Variants in PTH1R observed in about 807,000 individuals in gnomAD.
PTH1R encodes parathyroid hormone 1 receptor.
PTH1R carries 32 observed loss-of-function variants against 70.7 expected under a neutral mutation model. That is an observed-to-expected ratio of 0.45 (90% CI 0.34 to 0.61). PTH1R has a LOEUF of 0.61. PTH1R is among the 20% of genes least tolerant of loss of function. PTH1R has a pLI of 0.01. For missense variants in PTH1R, 626 were observed against 792.5 expected (o/e 0.79, Z 2.52); for synonymous variants, 329 against 324.8 (o/e 1.01, Z -0.14).
intron 3 of PTH1R, among the ~76,000 whole-genome samples, chr3:46,890,189 G>A (rs2106989456): frequency 6.6e-6 from 1 of 152,198 alleles, no homozygotes; most frequent in South Asian, 2.1e-4. Flanking sequence ...AGCTTGCCAG[G>A]AACACCTTAT....
Position 46,889,639 on chromosome 3 carries a change from AG to A in PTH1R, c.76-4265del, listed in dbSNP as rs371421811. 3.1e-4 allele frequency among the ~76,000 whole-genome samples: 47 copies of A among 152,226 alleles called. No homozygotes were observed. In the East Asian group the frequency reaches 7.1e-3, roughly 23 times the overall value. On this transcript the variant is annotated intron_variant, in intron 3 of 15. Coordinates refer to ENST00000449590, the MANE Select transcript of PTH1R (RefSeq NM_000316.3). ...CCATGGGGAGGATGTGCTACAGTGG[AG>A]GGTATTGAAGCCAAGCACCATGATG...
In PTH1R at chr3:46,883,391, A is replaced by G. The variant is rs1423786602; in HGVS notation, c.-48-121A>G. ...CTCGCTCGCTCGCTCGCTCGCCCTC[A>G]GCGCATGGGCCCCGCGCCGGGCCCC... On this transcript the variant is annotated intron_variant, in intron 2 of 15. Transcript: ENST00000449590. This position sits in a 1 kb window ranked among gnomAD's most constrained non-coding sequence, Gnocchi z 6.4. 1 of 161,712 alleles carries G rather than the reference A, an allele frequency of 6.2e-6. No individual in the cohort carries two copies. The highest frequency in any genetic ancestry group is 2.8e-3 in the Middle Eastern group (1 of 356). The allele number at this position is 161,712 out of a possible 1,614,324, so 10.0% of individuals were successfully genotyped here.
Position 46,892,522 on chromosome 3 carries a change from CA to C in PTH1R, c.76-1384del, listed in dbSNP as rs2031483677. Among the ~76,000 whole-genome samples, 1 of 152,230 alleles carries C rather than the reference CA, an allele frequency of 6.6e-6. No individual in the cohort carries two copies. Among genetic ancestry groups the C allele is most frequent in the Admixed American group, 6.5e-5 (1 of 15,288 alleles). On this transcript the variant is annotated intron_variant, in intron 3 of 15. Coordinates refer to ENST00000449590, the MANE Select transcript of PTH1R (RefSeq NM_000316.3). This position sits in a 1 kb window ranked among gnomAD's most constrained non-coding sequence, Gnocchi z 5.2. ...ACGCGGCTCCGCTAAGTGGAACCAG[CA>C]GAACCCAAGGCCGGCCGAGCCAATT... is the stretch of plus-strand genomic sequence containing the variant.
chr3:46,883,710 G>A lies in PTH1R; in HGVS notation c.75+76G>A. The stretch of plus-strand genomic sequence containing the variant: ...GGTCCGCGGGATAGGTCTAAGGCAC[G>A]CAGTCTTGAGTTCCCCCAGTAGTTC... On this transcript the variant is annotated intron_variant, in intron 3 of 15. Transcript: ENST00000449590. The surrounding 1 kb of genome is among the most constrained non-coding windows in gnomAD (Gnocchi z 6.4). 2 of 1,502,636 alleles carry A rather than the reference G, an allele frequency of 1.3e-6. No homozygotes were observed. Among genetic ancestry groups the A allele is most frequent in the Non-Finnish European group, 1.8e-6 (2 of 1,112,364 alleles). The allele number at this position is 1,502,636 out of a possible 1,614,324, so 93.1% of individuals were successfully genotyped here.
rs764533550 is a variant in PTH1R, at chr3:46,902,790, G to A, written c.1395G>A (p.Glu465=). The part of the protein sequence containing the change: ...VAIIYCFCNG[E]VQAEIKKSWS... Reference sequence around the variant, plus strand: ...TCATATACTGTTTCTGCAATGGCGAGGTAAGCAGGAGACAGTGTTGGCATA... The same window carrying A: ...TCATATACTGTTTCTGCAATGGCGAAGTAAGCAGGAGACAGTGTTGGCATA... The change falls in exon 15 of 16, where the codon GAG becomes GAA. Residue 465 remains glutamate (E), a splice_region_variant and synonymous_variant. Coordinates refer to ENST00000449590, the MANE Select transcript of PTH1R (RefSeq NM_000316.3). The surrounding 1 kb of genome is among the most constrained non-coding windows in gnomAD (Gnocchi z 5.4). The A allele has an allele frequency of 6.2e-7, 1 of 1,613,662 alleles. No homozygotes were observed. Among genetic ancestry groups the A allele is most frequent in the Admixed American group, 1.7e-5 (1 of 60,008 alleles).
At chr3:46,894,720 C>T (rs1047667343) in intron 4 of PTH1R, among the ~76,000 whole-genome samples, 6 of 152,200 alleles carry the variant, frequency 3.9e-5, no homozygotes, top group African/African-American at 1.4e-4. Flanking sequence ...TCATTCTCAT[C>T]CCAGTCCAGG....
chr3:46,898,174 C>T lies in PTH1R; in HGVS notation c.525C>T (p.Thr175=). The part of the protein sequence containing the change: ...ANYSECVKFL[T]NETREREVFD... ...ACAGCGAGTGTGTCAAATTTCTCAC[C>T]AATGAGACTCGTGAACGGGTGCGAG... The change falls in exon 7 of 16, where the codon ACC becomes ACT. Residue 175 remains threonine, a synonymous_variant. Transcript: ENST00000449590. 1 of 1,614,142 alleles carries T rather than the reference C, an allele frequency of 6.2e-7. No homozygotes were observed. The highest frequency in any genetic ancestry group is 8.5e-7 in the Non-Finnish European group (1 of 1,179,992).
In PTH1R at chr3:46,901,183, A is replaced by ACGGCCCAGCCTCAGGAGTTCT. The variant is rs1314713350; in HGVS notation, c.1049+100_1049+120dup. 8 of 1,438,326 alleles carry ACGGCCCAGCCTCAGGAGTTCT rather than the reference A, an allele frequency of 5.6e-6. No homozygotes were observed. Among genetic ancestry groups the ACGGCCCAGCCTCAGGAGTTCT allele is most frequent in the Non-Finnish European group, 5.7e-6 (6 of 1,046,748 alleles). 89.1% of individuals were successfully genotyped at this position (1,438,326 alleles called of 1,614,324 possible). A position where few individuals can be genotyped will look rare whatever the true frequency, so the allele number is the denominator to read the frequency against. ...AGGGCCTCCTGTACCCTGGCCTCAA[A>ACGGCCCAGCCTCAGGAGTTCT]CGGCCCAGCCTCAGGAGTTCTCAGT... On this transcript the variant is annotated intron_variant, in intron 11 of 15. Coordinates refer to ENST00000449590, the MANE Select transcript of PTH1R (RefSeq NM_000316.3). The surrounding 1 kb of genome is among the most constrained non-coding windows in gnomAD (Gnocchi z 7.3).
In PTH1R at chr3:46,903,074, G is replaced by A; in HGVS notation, c.1396-196G>A. On this transcript the variant is annotated intron_variant, in intron 15 of 15. Coordinates refer to ENST00000449590, the MANE Select transcript of PTH1R (RefSeq NM_000316.3). The surrounding 1 kb of genome is among the most constrained non-coding windows in gnomAD (Gnocchi z 4.4). ...GACTCAGCCACCTTTGGGGCAATTT[G>A]AGCCTTGTAGATTCTGGGTGTGTCG... 1 of 1,134,306 alleles carries A rather than the reference G, an allele frequency of 8.8e-7. No homozygotes were observed. The highest frequency in any genetic ancestry group is 1.3e-6 in the Non-Finnish European group (1 of 782,942). 70.3% of individuals were successfully genotyped at this position (1,134,306 alleles called of 1,614,324 possible).
intron 3 of PTH1R, among the ~76,000 whole-genome samples, chr3:46,886,481 C>T (rs577006374): frequency 6.6e-6 from 1 of 152,314 alleles, no homozygotes; most frequent in South Asian, 2.1e-4. Context: ...CCTCAGCCTC[C>T]TCAGTAGCTG....
At chr3:46,885,731 G>A (rs896608124) in intron 3 of PTH1R, among the ~76,000 whole-genome samples, 9 of 152,180 alleles carry the variant, frequency 5.9e-5, no homozygotes, top group Admixed American at 1.3e-4. Flanking sequence ...CTGAAGGGCG[G>A]GGGCAGCCTA....
At chr3:46,887,739 T>C (rs112890133) in intron 3 of PTH1R, among the ~76,000 whole-genome samples, 242 of 152,338 alleles carry the variant, frequency 1.6e-3, no homozygotes, top group African/African-American at 5.4e-3. Flanking sequence ...GACGTAAATG[T>C]GTGTCTTAGA....
Position 46,896,439 on chromosome 3 carries a change from G to A in PTH1R, c.313+570G>A, listed in dbSNP as rs2031761805. 6.6e-6 allele frequency among the ~76,000 whole-genome samples: 1 copy of A among 152,138 alleles called. No homozygotes were observed. The highest frequency in any genetic ancestry group is 2.4e-5 in the African/African-American group (1 of 41,430). On this transcript the variant is annotated intron_variant, in intron 5 of 15. Transcript: ENST00000449590. This position sits in a 1 kb window ranked among gnomAD's most constrained non-coding sequence, Gnocchi z 4.1. ...GACAAGGAGGGGAGAAGAGAAGGGA[G>A]GGAAGCAGATGAGGAAAGGCAGACA...
chr3:46,887,060 G>A (rs2031081619), intron 3 of PTH1R, among the ~76,000 whole-genome samples: 1 of 151,986 alleles, frequency 6.6e-6, no homozygotes, highest in South Asian at 2.1e-4. Flanking sequence ...CCAACATGGT[G>A]AAACCCCCAT....
chr3:46,889,473 G>C (rs374030783), intron 3 of PTH1R, among the ~76,000 whole-genome samples: 108 of 152,272 alleles, frequency 7.1e-4, no homozygotes, highest in African/African-American at 2.4e-3. Flanking sequence ...TTCTTCCAAG[G>C]CTGCTGCTTC....
intron 5 of PTH1R, among the ~76,000 whole-genome samples, chr3:46,897,635 G>A (rs2031827663): frequency 1.3e-5 from 2 of 152,236 alleles, no homozygotes; most frequent in Admixed American, 1.3e-4. Flanking sequence ...GGAGGCTGAG[G>A]CAGGAGAATC....
At position 46,882,757 on chromosome 3, in the gene PTH1R, TGACA is replaced by T. The variant is rs1267410592; in HGVS notation, c.-48-749_-48-746del. On this transcript the variant is annotated intron_variant, in intron 2 of 15. Coordinates refer to ENST00000449590, the MANE Select transcript of PTH1R (RefSeq NM_000316.3). This position sits in a 1 kb window ranked among gnomAD's most constrained non-coding sequence, Gnocchi z 4.3. ...AAGGCCGGGGGAGCTAGAGACGGAC[TGACA>T]GACAGGCAGACCGACAGAGCGTCGG... 6.6e-6 allele frequency among the ~76,000 whole-genome samples: 1 copy of T among 151,778 alleles called. No individual in the cohort carries two copies. Among genetic ancestry groups the T allele is most frequent in the East Asian group, 1.9e-4 (1 of 5,134 alleles).
rs940592923 is a variant in PTH1R, at chr3:46,896,394, G to A, written c.313+525G>A. 2.0e-5 allele frequency among the ~76,000 whole-genome samples: 3 copies of A among 152,166 alleles called. No homozygotes were observed. Among genetic ancestry groups the A allele is most frequent in the Non-Finnish European group, 4.4e-5 (3 of 68,026 alleles). ...GAAGGAGAGGAGGGCAGTGGCAGAGGGTGGGGCCAGAGGCAGTGGGACAAG... is the reference window on the plus strand; with the variant it reads ...GAAGGAGAGGAGGGCAGTGGCAGAGAGTGGGGCCAGAGGCAGTGGGACAAG... On this transcript the variant is annotated intron_variant, in intron 5 of 15. Coordinates refer to ENST00000449590, the MANE Select transcript of PTH1R (RefSeq NM_000316.3). The surrounding 1 kb of genome is among the most constrained non-coding windows in gnomAD (Gnocchi z 4.1).
intron 4 of PTH1R, among the ~76,000 whole-genome samples, chr3:46,895,490 C>A (rs1016724518): frequency 6.6e-6 from 1 of 152,182 alleles, no homozygotes; most frequent in Non-Finnish European, 1.5e-5. Flanking sequence ...ACTAGCTGAT[C>A]CTGCACTCCC....
Sources: allele counts gnomAD v4.1 joint callset (sites outside exome capture counted in the v4.1 genomes callset), GRCh38; gene constraint gnomAD v4.1.1; non-coding constraint Gnocchi (gnomAD v3.1); transcripts MANE v1.5; gene names NCBI Gene and HGNC (gene_info 2026-07-23, HGNC 2026-07-21).